Variants in SCNN1D observed in about 807,000 individuals in gnomAD.
The protein encoded by SCNN1D is sodium channel epithelial 1 subunit delta, also known as epithelial sodium channel subunit delta.
SCNN1D carries 104 observed loss-of-function variants against 87.8 expected under a neutral mutation model. The ratio of observed to expected loss-of-function variants is 1.18; its 90% CI spans 1.01 to 1.39. The LOEUF is 1.39. Among genes scored for constraint, SCNN1D ranks in the 40% most tolerant of loss-of-function variants. SCNN1D has a pLI of 0.00. For synonymous variants in SCNN1D, 628 were observed against 481.2 expected (o/e 1.31, Z -3.99); for missense variants, 1,324 against 1,093.9 (o/e 1.21, Z -2.97).
At chr1:1,286,744 T>C in intron 7 of SCNN1D, 24 bp from the exon 8 acceptor site, 1 of 1,607,040 alleles carries the variant, frequency 6.2e-7, no homozygotes, top group Non-Finnish European at 8.5e-7. Context: ...CCGGCAACTC[T>C]GACTCCAGGG....
At chr1:1,290,114 GTCTCTGCTCCGTCCCCCGTGTC>G (rs1640741028) in intron 12 of SCNN1D, among the ~76,000 whole-genome samples, 135 bp from the exon 13 acceptor site, 1 of 138,518 alleles carries the variant, frequency 7.2e-6, no homozygotes, top group Non-Finnish European at 1.6e-5. Flanking sequence ...TCCGTCCCGT[GTCTCTGCTCCGTCCCCCGTGTC>G]TCTGCTCCGT....
In SCNN1D at chr1:1,285,662, C is replaced by G. The variant is rs1417532948; in HGVS notation, c.556C>G (p.Gln186Glu). 22 of 1,539,000 alleles carry G rather than the reference C, an allele frequency of 1.4e-5. No individual in the cohort carries two copies. The East Asian group carries it at 5.4e-4, about 38-fold the overall frequency. ...TQHNAACKQG[Q>E]AAAQTPPRPG... ...GCACAACGCTGCCTGCAAACAGGGCCAGGTAGGGCCTGAGCACCCTGTTCT... is the reference window on the plus strand; with the variant it reads ...GCACAACGCTGCCTGCAAACAGGGCGAGGTAGGGCCTGAGCACCCTGTTCT... Residue 186 changes from glutamine to glutamate, a missense_variant and splice_region_variant, in exon 6 of 18, where the codon CAG (glutamine) becomes GAG (glutamate). Transcript: ENST00000379116.
intron 1 of SCNN1D, 72 bp from the exon 2 acceptor site, chr1:1,281,154 G>A: frequency 7.1e-7 from 1 of 1,413,916 alleles, no homozygotes; most frequent in East Asian, 2.6e-5. Context: ...TCACCCCAGG[G>A]GAGGAAACGG....
In SCNN1D at chr1:1,286,279, G is replaced by A. The variant is rs763227260; in HGVS notation, c.911+1G>A. ...CCCTGTGTGACGGGAACCCACGTCG[G>A]TGAGGGCCAGGGCTGTCGGCGGGAG... On this transcript the variant is annotated splice_donor_variant, in intron 7 of 17. Transcript: ENST00000379116. LOFTEE classifies it high-confidence loss of function. The A allele has an allele frequency of 9.8e-5, 154 of 1,575,032 alleles. No homozygotes were observed. The highest frequency in any genetic ancestry group is 1.1e-4 in the Non-Finnish European group (124 of 1,165,158).
At chr1:1,287,453 C>A in intron 9 of SCNN1D, 55 bp from the exon 10 acceptor site, 1 of 1,499,292 alleles carries the variant, frequency 6.7e-7, no homozygotes, top group East Asian at 2.3e-5. Flanking sequence ...CTCAGGCCAG[C>A]GTGACGGGCG....
intron 4 of SCNN1D, among the ~76,000 whole-genome samples, chr1:1,282,664 T>G (rs1031666284): frequency 6.6e-6 from 1 of 151,914 alleles, no homozygotes; most frequent in African/African-American, 2.4e-5. Flanking sequence ...GTGTGTGGTC[T>G]TAGTGTGTGT....
chr1:1,281,158 G>A (rs1640461254), intron 1 of SCNN1D, 68 bp from the exon 2 acceptor site: 3 of 1,437,254 alleles, frequency 2.1e-6, no homozygotes, highest in Non-Finnish European at 2.8e-6. Flanking sequence ...CCCAGGGGAG[G>A]AAACGGGGCT....
In SCNN1D at chr1:1,291,128, G is replaced by A. The variant is rs374381163; in HGVS notation, c.2040G>A (p.Ala680=). 113 of 1,611,922 alleles carry A rather than the reference G, an allele frequency of 7.0e-5. No individual in the cohort carries two copies. The highest frequency in any genetic ancestry group is 1.7e-4 in the Middle Eastern group (1 of 6,046). ...TCAACTACCGCTCAGTGGAGGAGGC[G>A]CCCGTGTACTCGGTGAGCCTTGGCC... ...QELNYRSVEE[A]PVYSVPQLLS... Residue 680 remains alanine, a synonymous_variant, in exon 17 of 18, where the codon GCG becomes GCA. Transcript: ENST00000379116.
chr1:1,291,431 G>C lies in SCNN1D; in HGVS notation c.2230G>C (p.Gly744Arg). The C allele has an allele frequency of 6.2e-7, 1 of 1,607,176 alleles. No individual in the cohort carries two copies. The highest frequency in any genetic ancestry group is 8.5e-7 in the Non-Finnish European group (1 of 1,177,360). The stretch of plus-strand genomic sequence containing the variant: ...CTGGCCCAGAGCCAGCCCTGCCTCA[G>C]GGGCGTCCAGCATCAAGCCAGAGGC... The part of the protein sequence containing the change: ...FSWPRASPAS[G>R]ASSIKPEASQ... Residue 744 changes from glycine to arginine, a missense_variant, in exon 18 of 18, where the codon GGG becomes CGG. Transcript: ENST00000379116.
intron 12 of SCNN1D, among the ~76,000 whole-genome samples, chr1:1,288,461 G>A (rs1483775734): frequency 1.1e-4 from 10 of 94,342 alleles, no homozygotes; most frequent in Admixed American, 1.1e-4. Context: ...TCCGTCCCCC[G>A]TGTCTCTGCT....
At chr1:1,287,888 G>A (rs976914281) in intron 11 of SCNN1D, 51 bp from the exon 12 acceptor site, 1 of 1,518,570 alleles carries the variant, frequency 6.6e-7, no homozygotes, top group South Asian at 1.2e-5. Context: ...GCCCAACCTG[G>A]GCTTTGGGGG....
At chr1:1,286,568 G>A (rs915484461) in intron 7 of SCNN1D, among the ~76,000 whole-genome samples, 200 bp from the exon 8 acceptor site, 4 of 152,140 alleles carry the variant, frequency 2.6e-5, no homozygotes, top group Non-Finnish European at 4.4e-5. Flanking sequence ...GAGGGAAGGT[G>A]GGAGGGGCTG....
chr1:1,287,630 G>C, intron 10 of SCNN1D, 34 bp downstream of exon 10: 1 of 1,611,012 alleles, frequency 6.2e-7, no homozygotes, highest in Non-Finnish European at 8.5e-7. Context: ...GCGGGGGCAG[G>C]GGTGCAGGTC....
chr1:1,286,948 C>T lies in SCNN1D; in HGVS notation c.1092C>T (p.Gly364=). ...EIRLQRLSHS[G]SRVRVGFRLC... The stretch of plus-strand genomic sequence containing the variant: ...GTCTGCAGAGGCTGAGCCACTCGGG[C>T]AGCCGGGTCAGAGTGGGGTTCAGAC... Residue 364 remains glycine (G), a synonymous_variant, in exon 8 of 18, where the codon GGC becomes GGT. Coordinates refer to ENST00000379116, the MANE Select transcript of SCNN1D (RefSeq NM_001130413.4). The T allele has an allele frequency of 5.6e-6, 9 of 1,612,338 alleles. No individual in the cohort carries two copies. Among genetic ancestry groups the T allele is most frequent in the Non-Finnish European group, 7.6e-6 (9 of 1,179,770 alleles).
At position 1,287,583 on chromosome 1, in the gene SCNN1D, C is replaced by A; in HGVS notation, c.1386C>A (p.Pro462=). Residue 462 remains proline, a synonymous_variant, in exon 10 of 18, where the codon CCC becomes CCA. Transcript: ENST00000379116. ...TVDGVWTAQR[P]GITHGVGLVL... ...ATGGCGTCTGGACAGCTCAGCGCCC[C>A]GGCATCACCCACGGTGGGTGCCAGC... 2 of 1,595,342 alleles carry A rather than the reference C, an allele frequency of 1.3e-6. No homozygotes were observed. The highest frequency in any genetic ancestry group is 1.7e-4 in the Middle Eastern group (1 of 5,964).
At chr1:1,287,382 C>G (rs1640619694) in intron 9 of SCNN1D, 83 bp downstream of exon 9, 1 of 1,490,276 alleles carries the variant, frequency 6.7e-7, no homozygotes, top group Non-Finnish European at 9.0e-7. Flanking sequence ...TGGCTGTATG[C>G]TGGGAGCCAC....
chr1:1,287,690 A>G lies in SCNN1D; in HGVS notation c.1417A>G (p.Arg473Gly). ...CCTCCCAGGAGTCGGCCTGGTCCTC[A>G]GGGTTGAGCAGCAGCCTCACCTCCC... ...GITHGVGLVL[R>G]VEQQPHLPLL... The change falls in exon 11 of 18, where the codon AGG becomes GGG. Residue 473 changes from arginine to glycine, a missense_variant. Transcript: ENST00000379116. 1 of 1,611,190 alleles carries G rather than the reference A, an allele frequency of 6.2e-7. No individual in the cohort carries two copies. Among genetic ancestry groups the G allele is most frequent in the Non-Finnish European group, 8.5e-7 (1 of 1,179,276 alleles).
At position 1,286,052 on chromosome 1, in the gene SCNN1D, A is replaced by G. The variant is rs893527270; in HGVS notation, c.685A>G (p.Thr229Ala). Reference sequence around the variant, plus strand: ...CCGGGAGCTGCTCACCTTCTTCTGCACCAATGCCACCATCCACGGCGCCAT... The same window carrying G: ...CCGGGAGCTGCTCACCTTCTTCTGCGCCAATGCCACCATCCACGGCGCCAT... ...SFRELLTFFC[T>A]NATIHGAIRL... Residue 229 changes from threonine (T) to alanine (A), a missense_variant, in exon 7 of 18, where the codon ACC becomes GCC. Transcript: ENST00000379116. 6.3e-7 allele frequency: 1 copy of G among 1,587,178 alleles called. No homozygotes were observed. Among genetic ancestry groups the G allele is most frequent in the South Asian group, 1.1e-5 (1 of 87,748 alleles).
intron 3 of SCNN1D, chr1:1,281,983 G>C (rs1640479209): frequency 3.4e-6 from 2 of 581,584 alleles, no homozygotes; most frequent in South Asian, 2.1e-5. Context: ...TAGCCGCCCG[G>C]GCCATGTGTG....
Sources: gnomAD v4.1 joint callset for allele counts (sites outside exome capture counted in the v4.1 genomes callset) on GRCh38, gnomAD v4.1.1 for gene constraint, MANE v1.5 for transcripts, NCBI Gene and HGNC (gene_info 2026-07-23, HGNC 2026-07-21) for gene names.